Variants in ARSG observed in about 807,000 individuals in gnomAD.
The protein encoded by ARSG is arylsulfatase G.
In ARSG, 37 loss-of-function variants were observed where a neutral mutation model predicts 50.5. The ratio of observed to expected loss-of-function variants is 0.73; its 90% CI spans 0.56 to 0.96. The LOEUF (loss-of-function observed/expected upper bound fraction) is 0.96. Ranked by LOEUF, ARSG falls within the 50% of genes least tolerant of loss-of-function variation. The probability of loss-of-function intolerance (pLI) is 0.00; values close to 1 mark genes in which losing one functional copy is unlikely to be tolerated. For missense variants in ARSG, 629 were observed against 675.3 expected (o/e 0.93, Z 0.76); for synonymous variants, 225 against 254.6 (o/e 0.88, Z 1.11).
chr17:68,356,695 G>T lies in ARSG; in HGVS notation c.595G>T (p.Val199Leu), dbSNP rs186474907. ...RNLQRDCYTDVALPLYENLNI... is the reference protein window; with the variant it reads ...RNLQRDCYTDLALPLYENLNI... ...CCTTCAAAGAGACTGTTACACTGAC[G>T]TGGCCCTCCCTCTTTATGAAAACCT... Residue 199 changes from valine to leucine, a missense_variant, in exon 6 of 12, where the codon GTG becomes TTG. Physicochemically the swap from Val to Leu is conservative, Grantham distance 32. Coordinates refer to ENST00000621439, the MANE Select transcript of ARSG (RefSeq NM_001267727.2). The T allele has an allele frequency of 6.2e-7, 1 of 1,614,184 alleles. No homozygotes were observed. Among genetic ancestry groups the T allele is most frequent in the Non-Finnish European group, 8.5e-7 (1 of 1,180,026 alleles).
chr17:68,403,792 T>C (rs1409989256), intron 11 of ARSG, among the ~76,000 whole-genome samples: 1 of 152,212 alleles, frequency 6.6e-6, no homozygotes, highest in Non-Finnish European at 1.5e-5. Flanking sequence ...ATGTGCCATG[T>C]TGGTGTGCTG....
Position 68,364,310 on chromosome 17 carries a change from C to CA in ARSG, c.705-4229dup, listed in dbSNP as rs371958826. Among the ~76,000 whole-genome samples the CA allele has an allele frequency of 1.5e-3, 220 of 150,984 alleles. 1 individual carries two copies. Among genetic ancestry groups the CA allele is most frequent in the African/African-American group, 4.8e-3 (198 of 41,204 alleles). On this transcript the variant is annotated intron_variant, in intron 6 of 11. Transcript: ENST00000621439. ...ATCTCGGAAAACTGAGACAAGCAAA[C>CA]AAAAAAAAATCACCCTGAATTCCAT... is the stretch of plus-strand genomic sequence containing the variant.
chr17:68,296,787 G>A (rs2076224288), intron 1 of ARSG, among the ~76,000 whole-genome samples: 2 of 152,176 alleles, frequency 1.3e-5, no homozygotes, highest in African/African-American at 4.8e-5. Context: ...TTCTCTCATA[G>A]TGTGTATAGT....
chr17:68,423,163 T>C (rs143542069), downstream of ARSG, among the ~76,000 whole-genome samples: 12 of 152,242 alleles, frequency 7.9e-5, no homozygotes, highest in East Asian at 7.7e-4. This position sits in a 1 kb window ranked among gnomAD's most constrained non-coding sequence, Gnocchi z 4.4. Context: ...TCCTAGAAGA[T>C]TTTAAGGAAT....
At chr17:68,421,496 G>A (rs773071533), downstream of ARSG, 20 of 426,048 alleles carry the variant, frequency 4.7e-5, no homozygotes, top group Non-Finnish European at 6.9e-5. Flanking sequence ...ATAAAATTCC[G>A]GTTATATACC....
chr17:68,421,020 A>G (rs2082735014), downstream of ARSG: 1 of 155,764 alleles, frequency 6.4e-6, no homozygotes, highest in Non-Finnish European at 1.4e-5. Flanking sequence ...TCTTGTGAGA[A>G]TCCGGATTCC....
At chr17:68,347,838 G>C (rs1420160254) in intron 4 of ARSG, among the ~76,000 whole-genome samples, 1 of 152,086 alleles carries the variant, frequency 6.6e-6, no homozygotes, top group African/African-American at 2.4e-5. Context: ...CCTGTCCCTG[G>C]CCCCTTCCTC....
intron 2 of ARSG, among the ~76,000 whole-genome samples, chr17:68,333,501 G>C (rs934789563): frequency 6.6e-6 from 1 of 151,880 alleles, no homozygotes; most frequent in Admixed American, 6.6e-5. Context: ...GGTGGTGTAC[G>C]CCTGTAATCC....
rs373369380 is a variant in ARSG, at chr17:68,271,124, C to T, written c.-552+11698C>T. ...TCCCTGTTGAGGACAAAACCAGCTC[C>T]GATCCTTCCGAAAACTTCTGCAATG... On this transcript the variant is annotated intron_variant, in intron 1 of 11. Transcript: ENST00000448504. This position sits in a 1 kb window ranked among gnomAD's most constrained non-coding sequence, Gnocchi z 5.3. 1.2e-6 allele frequency: 2 copies of T among 1,614,008 alleles called. No homozygotes were observed. Among genetic ancestry groups the T allele is most frequent in the African/African-American group, 1.3e-5 (1 of 74,928 alleles).
chr17:68,269,748 A>G (rs2075276106), intron 1 of ARSG, among the ~76,000 whole-genome samples: 1 of 136,772 alleles, frequency 7.3e-6, no homozygotes, highest in Non-Finnish European at 1.5e-5. Flanking sequence ...ATCTCAGGTC[A>G]CTGCAACCTC....
chr17:68,424,012 C>T (rs142425420), downstream of ARSG, among the ~76,000 whole-genome samples: 1,360 of 152,244 alleles, frequency 8.9e-3, 23 homozygotes, highest in African/African-American at 0.031. Flanking sequence ...CGGTGTCTGA[C>T]CTAGAGTGCT....
intron 2 of ARSG, among the ~76,000 whole-genome samples, chr17:68,341,858 C>T (rs949887201): frequency 2.0e-5 from 3 of 152,092 alleles, no homozygotes; most frequent in African/African-American, 4.8e-5. Flanking sequence ...CTTGCTCTGT[C>T]GTCCAGACTG....
At chr17:68,401,601 G>C in intron 11 of ARSG, 151 bp downstream of exon 11, 1 of 630,160 alleles carries the variant, frequency 1.6e-6, no homozygotes, top group East Asian at 2.9e-5. Context: ...CCAAACCCAG[G>C]GTCCCTGCAC....
chr17:68,398,176 A>G (rs2081326950), intron 10 of ARSG, among the ~76,000 whole-genome samples: 2 of 152,330 alleles, frequency 1.3e-5, no homozygotes, highest in Admixed American at 1.3e-4. Context: ...CCACACATGC[A>G]TACACATGTT....
intron 1 of ARSG, among the ~76,000 whole-genome samples, chr17:68,304,800 G>A (rs113874343): frequency 0.094 from 14,291 of 152,238 alleles, 912 homozygotes; most frequent in Middle Eastern, 0.15. Context: ...AAAGTGTTGG[G>A]ATTACAGGAA....
intron 2 of ARSG, among the ~76,000 whole-genome samples, chr17:68,318,717 C>T (rs2077167810): frequency 6.6e-6 from 1 of 152,162 alleles, no homozygotes; most frequent in African/African-American, 2.4e-5. Flanking sequence ...CTGCTTTCCC[C>T]CTTCTCTACC....
intron 1 of ARSG, among the ~76,000 whole-genome samples, chr17:68,282,779 T>TAAAAAAAAAAAAAAAAAAAAAAAA (rs36155626): frequency 2.1e-4 from 11 of 53,398 alleles, no homozygotes; most frequent in African/African-American, 5.6e-4. Context: ...CCATCTCTAC[T>TAAAAAAAAAAAAAAAAAAAAAAAA]AAAAAAAAAA....
At position 68,420,205 on chromosome 17, in the gene ARSG, T is replaced by G; in HGVS notation, c.1320T>G (p.Cys440Trp). ...CCTCTCTAGGTGGAGCCAGGGCGTG[T>G]GATGGGAGCACGGGGCCTGAGCTGC... The part of the protein sequence containing the change: ...AFYITGGARA[C>W]DGSTGPELQH... Residue 440 changes from cysteine to tryptophan, a missense_variant, in exon 12 of 12, where the codon TGT (cysteine) becomes TGG (tryptophan). By Grantham distance (215) the Cys-to-Trp change is radical. Coordinates refer to ENST00000621439, the MANE Select transcript of ARSG (RefSeq NM_001267727.2). 1 of 1,614,002 alleles carries G rather than the reference T, an allele frequency of 6.2e-7. No individual in the cohort carries two copies. Among genetic ancestry groups the G allele is most frequent in the South Asian group, 1.1e-5 (1 of 91,074 alleles).
chr17:68,310,436 C>G (rs1423715804), intron 2 of ARSG, among the ~76,000 whole-genome samples: 1 of 152,180 alleles, frequency 6.6e-6, no homozygotes, highest in Non-Finnish European at 1.5e-5. Flanking sequence ...TAAGGGACCA[C>G]AAAAGAGGAG....
Sources: gnomAD v4.1 joint callset for allele counts (sites outside exome capture counted in the v4.1 genomes callset) on GRCh38, gnomAD v4.1.1 for gene constraint, Gnocchi (gnomAD v3.1) non-coding constraint, MANE v1.5 for transcripts, NCBI Gene and HGNC (gene_info 2026-07-23, HGNC 2026-07-21) for gene names.